CDH18: variants seen among roughly 807,000 people sequenced by gnomAD.
CDH18 encodes the protein cadherin 18.
CDH18 carries 31 observed loss-of-function variants against 67.9 expected under a neutral mutation model. The observed-to-expected ratio is 0.46, with a 90% CI of 0.34 to 0.62. The LOEUF (loss-of-function observed/expected upper bound fraction) is 0.62, where lower values mean the gene tolerates loss of function less well. Among genes scored for constraint, CDH18 ranks in the 20% least tolerant of loss-of-function variants. The probability of loss-of-function intolerance (pLI) is 0.01; values close to 1 mark genes in which losing one functional copy is unlikely to be tolerated. For missense variants in CDH18, 890 were observed against 975.5 expected, an observed-to-expected ratio of 0.91 and a Z score of 1.17; for synonymous variants, 362 against 347.2, an observed-to-expected ratio of 1.04 and a Z score of -0.48.
intron 2 of CDH18, among the ~76,000 whole-genome samples, chr5:20,083,660 T>C (rs1187650975): frequency 6.6e-6 from 1 of 152,116 alleles, no homozygotes; most frequent in Non-Finnish European, 1.5e-5. Context: ...GACTGGGCAA[T>C]TTACAAAAGA....
intron 5 of CDH18, among the ~76,000 whole-genome samples, chr5:19,653,399 G>A (rs776825761): frequency 2.0e-5 from 3 of 151,996 alleles, no homozygotes; most frequent in Non-Finnish European, 4.4e-5. Flanking sequence ...AAACATGGCC[G>A]AGTTCACTGT....
chr5:20,466,502 AATT>A (rs1751643332), intron 1 of CDH18, among the ~76,000 whole-genome samples: 1 of 152,096 alleles, frequency 6.6e-6, no homozygotes, highest in South Asian at 2.1e-4. Context: ...ACAACTAACA[AATT>A]ATTTACATAG....
intron 1 of CDH18, among the ~76,000 whole-genome samples, chr5:20,574,354 A>G (rs913142208): frequency 6.6e-6 from 1 of 152,026 alleles, no homozygotes; most frequent in Non-Finnish European, 1.5e-5. Flanking sequence ...ACGTTGAACA[A>G]CATATTAAAA....
At chr5:20,117,188 C>A (rs1168795292) in intron 2 of CDH18, among the ~76,000 whole-genome samples, 3 of 152,016 alleles carry the variant, frequency 2.0e-5, no homozygotes, top group African/African-American at 7.2e-5. Context: ...ATCACTGGGG[C>A]CATCAGTTCA....
In CDH18 at chr5:20,206,390, G is replaced by A. The variant is rs558375837; in HGVS notation, c.-518+49054C>T. 3.3e-5 allele frequency among the ~76,000 whole-genome samples: 5 copies of A among 151,718 alleles called. No homozygotes were observed. The East Asian group carries it at 9.7e-4, about 29-fold the overall frequency. On this transcript the variant is annotated intron_variant, in intron 2 of 14. Coordinates refer to the CDH18 transcript ENST00000507958. ...TCCAAAACCTAGTGGAATCACTGAC[G>A]AACTCTACCAAACATTTAATTAACT... is the stretch of plus-strand genomic sequence containing the variant.
At chr5:19,637,389 C>A (rs1301481116) in intron 5 of CDH18, among the ~76,000 whole-genome samples, 1 of 151,584 alleles carries the variant, frequency 6.6e-6, no homozygotes, top group Non-Finnish European at 1.5e-5. Context: ...TATTTAATAT[C>A]ACACATTTCC....
chr5:20,477,687 C>T (rs1752532811), intron 1 of CDH18, among the ~76,000 whole-genome samples: 1 of 152,126 alleles, frequency 6.6e-6, no homozygotes, highest in Non-Finnish European at 1.5e-5. Flanking sequence ...TGCAAAATAA[C>T]TTGACAGTCA....
chr5:19,841,834 A>G (rs923072731), intron 2 of CDH18, among the ~76,000 whole-genome samples: 11 of 152,330 alleles, frequency 7.2e-5, no homozygotes, highest in Admixed American at 7.2e-4. Flanking sequence ...TTCCAAAAAT[A>G]TATAAATGCA....
intron 5 of CDH18, among the ~76,000 whole-genome samples, chr5:19,699,240 T>C (rs531084252): frequency 3.3e-5 from 5 of 152,150 alleles, no homozygotes; most frequent in Non-Finnish European, 5.9e-5. Context: ...TTAGGTTATA[T>C]ATCCTCATCC....
intron 1 of CDH18, among the ~76,000 whole-genome samples, chr5:20,512,492 T>C (rs1404410228): frequency 2.6e-5 from 4 of 152,194 alleles, no homozygotes; most frequent in Admixed American, 6.5e-5. Context: ...TGCTATAAGA[T>C]ACTTGAAAGT....
At position 19,984,361 on chromosome 5, in the gene CDH18, T is replaced by A. The variant is rs145053442; in HGVS notation, c.-375-3183A>T. On this transcript the variant is annotated intron_variant, in intron 1 of 12. Coordinates refer to ENST00000382275, the MANE Select transcript of CDH18 (RefSeq NM_004934.5). Reference sequence around the variant, plus strand: ...TATGTTTTATATGTCTACATTTTTATAATAAATTTTAAATGTGGATAATAT... The same window carrying A: ...TATGTTTTATATGTCTACATTTTTAAAATAAATTTTAAATGTGGATAATAT... 1.7e-3 allele frequency among the ~76,000 whole-genome samples: 259 copies of A among 152,222 alleles called. 2 individuals carry two copies. The highest frequency in any genetic ancestry group is 5.8e-3 in the African/African-American group (242 of 41,574).
intron 2 of CDH18, among the ~76,000 whole-genome samples, chr5:19,947,630 G>A (rs911616752): frequency 3.5e-5 from 5 of 141,326 alleles, no homozygotes; most frequent in African/African-American, 1.0e-4. Flanking sequence ...CAGGTGTGGC[G>A]CCTGCGCCTG....
chr5:20,315,332 C>G (rs1737365580), intron 1 of CDH18, among the ~76,000 whole-genome samples: 1 of 152,028 alleles, frequency 6.6e-6, no homozygotes, highest in East Asian at 1.9e-4. Flanking sequence ...TTGCAATAGC[C>G]TCCTAATTGT....
chr5:20,341,812 A>G (rs1301587544), intron 1 of CDH18, among the ~76,000 whole-genome samples: 1 of 151,970 alleles, frequency 6.6e-6, no homozygotes, highest in East Asian at 1.9e-4. Flanking sequence ...CTGTTTAGAG[A>G]GTCATGCAAA....
At chr5:20,494,542 A>G (rs1399421738) in intron 1 of CDH18, among the ~76,000 whole-genome samples, 2 of 152,212 alleles carry the variant, frequency 1.3e-5, no homozygotes, top group Non-Finnish European at 2.9e-5. Flanking sequence ...ATTGAAAAAA[A>G]GAAAATAACT....
chr5:19,513,736 T>A (rs1410863333), intron 10 of CDH18, among the ~76,000 whole-genome samples: 1 of 152,152 alleles, frequency 6.6e-6, no homozygotes, highest in Admixed American at 6.6e-5. Flanking sequence ...TTCCTAGAAA[T>A]TTTTATATGG....
chr5:19,933,129 T>G (rs1793888929), intron 2 of CDH18, among the ~76,000 whole-genome samples: 1 of 151,588 alleles, frequency 6.6e-6, no homozygotes, highest in Non-Finnish European at 1.5e-5. Context: ...CCTTCACCAA[T>G]TCTCCCCTTT....
At chr5:19,960,584 T>TGTGTGTGTATATATATATATATACACAC (rs1435126452) in intron 2 of CDH18, among the ~76,000 whole-genome samples, 1 of 123,460 alleles carries the variant, frequency 8.1e-6, no homozygotes, top group Non-Finnish European at 1.5e-5. Flanking sequence ...TGTGTGTGTG[T>TGTGTGTGTATATATATATATATACACAC]GTGTGTATAT....
At chr5:19,995,379 G>T (rs993494732) in intron 2 of CDH18, among the ~76,000 whole-genome samples, 23 of 151,808 alleles carry the variant, frequency 1.5e-4, no homozygotes, top group Non-Finnish European at 3.2e-4. Flanking sequence ...TTTCTTAATT[G>T]AATGCAAGCT....
Sources: allele counts gnomAD v4.1 joint callset (sites outside exome capture counted in the v4.1 genomes callset), GRCh38; gene constraint gnomAD v4.1.1; transcripts MANE v1.5; gene names NCBI Gene and HGNC (gene_info 2026-07-23, HGNC 2026-07-21).